The following SGCZ variants were observed in gnomAD, a reference collection of about 807,000 sequenced individuals.
SGCZ encodes the protein zeta-sarcoglycan.
Under a neutral mutation model 41.3 loss-of-function variants are expected in SGCZ, and 40 were observed. The observed-to-expected ratio is 0.97, with a 90% confidence interval of 0.75 to 1.26. The LOEUF (loss-of-function observed/expected upper bound fraction) is 1.26, where lower values mean the gene tolerates loss of function less well. SGCZ is among the 50% of genes most tolerant of loss of function. The pLI is 0.00. For synonymous variants in SGCZ, 206 were observed against 137.5 expected, an observed-to-expected ratio of 1.50 and a Z score of -3.49; for missense variants, 552 against 369.8, an observed-to-expected ratio of 1.49 and a Z score of -4.04.
At chr8:15,013,216 A>G (rs1306532328) in intron 1 of SGCZ, among the ~76,000 whole-genome samples, 2 of 152,178 alleles carry the variant, frequency 1.3e-5, no homozygotes, top group African/African-American at 2.4e-5. Context: ...AAAAATCCAT[A>G]TGGATTGGAT....
chr8:14,377,098 C>T (rs559177153), intron 2 of SGCZ, among the ~76,000 whole-genome samples: 4 of 152,046 alleles, frequency 2.6e-5, no homozygotes, highest in African/African-American at 7.2e-5. Context: ...CAGCATAGAC[C>T]GGGTTGCAAG....
At position 15,010,352 on chromosome 8, in the gene SGCZ, T is replaced by A. The variant is rs190938742; in HGVS notation, c.39+227233A>T. On this transcript the variant is annotated intron_variant, in intron 1 of 7. Coordinates refer to ENST00000382080, the MANE Select transcript of SGCZ (RefSeq NM_139167.4). ...AAAAGATATAATTCTACCTCATCTA[T>A]CATTTATAGAAATCTCAACAGAAAA... is the stretch of plus-strand genomic sequence containing the variant. Among the ~76,000 whole-genome samples the A allele has an allele frequency of 9.7e-3, 1,477 of 152,316 alleles. 20 individuals are homozygous for A. The highest frequency in any genetic ancestry group is 0.011 in the Non-Finnish European group (741 of 68,034).
At chr8:14,196,359 G>A (rs1316707858) in intron 4 of SGCZ, among the ~76,000 whole-genome samples, 1 of 151,678 alleles carries the variant, frequency 6.6e-6, no homozygotes, top group Non-Finnish European at 1.5e-5. Flanking sequence ...CGCCTCCTGG[G>A]TTCAAGTTAT....
At chr8:14,908,054 A>G (rs1799171080) in intron 1 of SGCZ, among the ~76,000 whole-genome samples, 1 of 152,174 alleles carries the variant, frequency 6.6e-6, no homozygotes, top group Admixed American at 6.5e-5. Flanking sequence ...ATACATAGAA[A>G]CCACTGAAAA....
chr8:14,705,082 G>A (rs777959440), intron 1 of SGCZ, among the ~76,000 whole-genome samples: 1 of 151,880 alleles, frequency 6.6e-6, no homozygotes, highest in African/African-American at 2.4e-5. Context: ...CAGTTCTAAA[G>A]TTGAAAACTG....
intron 1 of SGCZ, among the ~76,000 whole-genome samples, chr8:14,884,359 T>C (rs1471740218): frequency 6.6e-6 from 1 of 152,102 alleles, no homozygotes; most frequent in African/African-American, 2.4e-5. Context: ...GTGATATAAC[T>C]ACATAAATAA....
intron 5 of SGCZ, among the ~76,000 whole-genome samples, chr8:14,118,705 T>A (rs1384590369): frequency 6.6e-6 from 1 of 152,192 alleles, no homozygotes; most frequent in African/African-American, 2.4e-5. Flanking sequence ...GTGTTACATT[T>A]AGGTCTGTAA....
chr8:15,050,673 T>C (rs1240331696), intron 1 of SGCZ, among the ~76,000 whole-genome samples: 1 of 152,026 alleles, frequency 6.6e-6, no homozygotes, highest in African/African-American at 2.4e-5. Flanking sequence ...CAGTGGAGCA[T>C]TGGAAATGCA....
intron 2 of SGCZ, among the ~76,000 whole-genome samples, chr8:14,497,172 G>A (rs921702480): frequency 6.6e-6 from 1 of 152,152 alleles, no homozygotes; most frequent in African/African-American, 2.4e-5. Context: ...CTGAGGCTGG[G>A]TAATTTATTT....
chr8:14,877,383 T>C (rs1223896126), intron 1 of SGCZ, among the ~76,000 whole-genome samples: 3 of 152,206 alleles, frequency 2.0e-5, no homozygotes, highest in African/African-American at 7.2e-5. Context: ...ATTTATATTT[T>C]AATGTCTAAA....
intron 1 of SGCZ, among the ~76,000 whole-genome samples, chr8:14,628,552 G>T (rs1471794428): frequency 6.6e-6 from 1 of 152,020 alleles, no homozygotes; most frequent in Non-Finnish European, 1.5e-5. Context: ...TGAAACTAAG[G>T]AAGCAATAGG....
At chr8:14,535,936 C>G (rs550575225) in intron 2 of SGCZ, among the ~76,000 whole-genome samples, 1 of 151,728 alleles carries the variant, frequency 6.6e-6, no homozygotes, top group Non-Finnish European at 1.5e-5. Context: ...TACTATTTTA[C>G]AAATTATTGA....
chr8:14,656,998 T>C (rs1190634631), intron 1 of SGCZ, among the ~76,000 whole-genome samples: 1 of 151,942 alleles, frequency 6.6e-6, no homozygotes, highest in Non-Finnish European at 1.5e-5. Flanking sequence ...TATATAAAAT[T>C]TGTTTTAAAT....
intron 1 of SGCZ, among the ~76,000 whole-genome samples, chr8:15,232,402 A>G (rs1199697687): frequency 6.6e-6 from 1 of 152,136 alleles, no homozygotes; most frequent in Non-Finnish European, 1.5e-5. Flanking sequence ...GCCAGTATGT[A>G]GGCTGGAACA....
At chr8:14,652,364 G>GGGGGA (rs1563180524) in intron 1 of SGCZ, among the ~76,000 whole-genome samples, 1 of 102,984 alleles carries the variant, frequency 9.7e-6, no homozygotes, top group Non-Finnish European at 1.9e-5. Flanking sequence ...GTGTGGGGGG[G>GGGGGA]AGAAAACACT....
intron 2 of SGCZ, among the ~76,000 whole-genome samples, chr8:14,537,750 T>C (rs1803340274): frequency 6.6e-6 from 1 of 151,898 alleles, no homozygotes; most frequent in Admixed American, 6.6e-5. Context: ...ATGTAAGGTT[T>C]GTACAGGGAA....
chr8:14,630,346 T>A (rs1164846632), intron 1 of SGCZ, among the ~76,000 whole-genome samples: 1 of 151,910 alleles, frequency 6.6e-6, no homozygotes, highest in Non-Finnish European at 1.5e-5. Context: ...AGGAGAGAGA[T>A]GGCAAAACAC....
intron 1 of SGCZ, among the ~76,000 whole-genome samples, chr8:14,664,864 G>C (rs541677576): frequency 2.1e-4 from 32 of 152,218 alleles, no homozygotes; most frequent in Admixed American, 1.8e-3. Context: ...TTGTTCCAAA[G>C]CTCTCTGACA....
intron 2 of SGCZ, among the ~76,000 whole-genome samples, chr8:14,345,874 G>T (rs562241309): frequency 6.6e-6 from 1 of 152,186 alleles, no homozygotes; most frequent in East Asian, 1.9e-4. Flanking sequence ...TTCTGGAAAA[G>T]ACAAAATCAT....
Sources: gnomAD v4.1 joint callset for allele counts (sites outside exome capture counted in the v4.1 genomes callset) on GRCh38, gnomAD v4.1.1 for gene constraint, MANE v1.5 for transcripts, NCBI Gene and HGNC (gene_info 2026-07-23, HGNC 2026-07-21) for gene names.